The following MEIKIN variants were observed in gnomAD, a reference collection of about 807,000 sequenced individuals.
The protein encoded by MEIKIN is meiosis-specific kinetochore protein.
At chr5:131,906,539 T>TA (rs145025315) in intron 8 of MEIKIN, among the ~76,000 whole-genome samples, 19,322 of 152,120 alleles carry the variant, frequency 0.13, 1,366 homozygotes, top group East Asian at 0.3. Context: ...GAATATAACT[T>TA]ATTCTACCAT....
Position 131,830,978 on chromosome 5 carries a change from A to C in MEIKIN, c.976-12115T>G, listed in dbSNP as rs528853805. Reference sequence around the variant, plus strand: ...AATGGTGTGATCTCAGCTCACTGCAACCTCTGCCTCCTGGGTTCAAGTGAT... The same window carrying C: ...AATGGTGTGATCTCAGCTCACTGCACCCTCTGCCTCCTGGGTTCAAGTGAT... On this transcript the variant is annotated intron_variant, in intron 11 of 12. Coordinates refer to ENST00000442687, the MANE Select transcript of MEIKIN (RefSeq NM_001303622.2). Among the ~76,000 whole-genome samples, 5 of 152,114 alleles carry C rather than the reference A, an allele frequency of 3.3e-5. 1 individual carries two copies. The South Asian group carries it at 1.0e-3, about 32-fold the overall frequency.
At chr5:131,898,371 C>T (rs1751090661) in intron 8 of MEIKIN, among the ~76,000 whole-genome samples, 1 of 152,242 alleles carries the variant, frequency 6.6e-6, no homozygotes, top group South Asian at 2.1e-4. Context: ...AGTTAGGCTA[C>T]ACGGGGGTCA....
At chr5:131,874,152 A>C (rs1332216831) in intron 9 of MEIKIN, among the ~76,000 whole-genome samples, 2 of 152,224 alleles carry the variant, frequency 1.3e-5, no homozygotes, top group African/African-American at 4.8e-5. Context: ...ATCAGAGCAG[A>C]ACTGAAGGAA....
In MEIKIN at chr5:131,843,777, T is replaced by G. The variant is rs192847690; in HGVS notation, c.975+7487A>C. On this transcript the variant is annotated intron_variant, in intron 11 of 12. Transcript: ENST00000442687. ...CAAACCTTCCCTCATGTTCCTGTCT[T>G]CTTCTGAGCCCTCCAAACTGTTTCA... 5.5e-3 allele frequency among the ~76,000 whole-genome samples: 841 copies of G among 152,320 alleles called. 3 individuals carry two copies. The highest frequency in any genetic ancestry group is 9.1e-3 in the Non-Finnish European group (616 of 68,022).
At chr5:131,932,930 G>A (rs1018672810) in intron 5 of MEIKIN, among the ~76,000 whole-genome samples, 2 of 152,102 alleles carry the variant, frequency 1.3e-5, no homozygotes, top group Non-Finnish European at 2.9e-5. Context: ...TAGGTCTGCT[G>A]TATCAGATCA....
intron 9 of MEIKIN, among the ~76,000 whole-genome samples, chr5:131,877,012 G>T (rs913887820): frequency 1.5e-5 from 2 of 136,434 alleles, no homozygotes; most frequent in African/African-American, 5.4e-5. Flanking sequence ...GGGGGGAGGG[G>T]GCGAGGGATA....
At chr5:131,929,957 C>G (rs576759065) in intron 5 of MEIKIN, among the ~76,000 whole-genome samples, 1 of 152,164 alleles carries the variant, frequency 6.6e-6, no homozygotes, top group Admixed American at 6.5e-5. Flanking sequence ...GTTGATTCCA[C>G]GTCTCTGCTA....
chr5:131,881,184 A>T (rs1277689335), intron 8 of MEIKIN, among the ~76,000 whole-genome samples: 1 of 152,218 alleles, frequency 6.6e-6, no homozygotes, highest in Non-Finnish European at 1.5e-5. Context: ...GGTTTGCTAA[A>T]CCACATCTGT....
Position 131,941,142 on chromosome 5 carries a change from C to CTTTTTTTTTT in MEIKIN, c.349+1483_349+1492dup, listed in dbSNP as rs397999274. 4.9e-4 allele frequency among the ~76,000 whole-genome samples: 29 copies of CTTTTTTTTTT among 59,692 alleles called. 3 individuals are homozygous for CTTTTTTTTTT. The highest frequency in any genetic ancestry group is 1.3e-3 in the African/African-American group (17 of 13,104). The allele number at this position is 59,692 out of a possible 152,430, so 39.2% of individuals were successfully genotyped here. A position where few individuals can be genotyped will look rare whatever the true frequency, so the allele number is the denominator to read the frequency against. Reference sequence around the variant, plus strand: ...TTGACAATTCCTTCAAGATCTCTTCCTTTTTTTTTTTTTTTTTTTTTTTTT... The same window carrying CTTTTTTTTTT: ...TTGACAATTCCTTCAAGATCTCTTCCTTTTTTTTTTTTTTTTTTTTTTTTTTTTTTTTTTT... On this transcript the variant is annotated intron_variant, in intron 4 of 12. Transcript: ENST00000442687.
chr5:131,859,084 C>G, intron 9 of MEIKIN, among the ~76,000 whole-genome samples: 1 of 152,118 alleles, frequency 6.6e-6, no homozygotes, highest in Non-Finnish European at 1.5e-5. Flanking sequence ...GGTATATACT[C>G]AAAGGAATAT....
intron 12 of MEIKIN, among the ~76,000 whole-genome samples, chr5:131,815,374 CT>C (rs1005399171): frequency 1.3e-5 from 2 of 152,278 alleles, no homozygotes; most frequent in African/African-American, 4.8e-5. Context: ...ATAAATGGTA[CT>C]TTTTTTCCCT....
intron 8 of MEIKIN, among the ~76,000 whole-genome samples, chr5:131,909,016 G>A (rs541792495): frequency 1.3e-5 from 2 of 152,162 alleles, no homozygotes; most frequent in South Asian, 4.2e-4. Flanking sequence ...CAATCTGTAG[G>A]TTTAATGCAA....
At chr5:131,845,462 A>T (rs1407378798) in intron 11 of MEIKIN, among the ~76,000 whole-genome samples, 1 of 151,810 alleles carries the variant, frequency 6.6e-6, no homozygotes, top group Non-Finnish European at 1.5e-5. Context: ...TGCCTCTAAA[A>T]AGGAACTGAT....
chr5:131,920,447 C>CA (rs1430218725), intron 6 of MEIKIN, among the ~76,000 whole-genome samples: 2 of 152,128 alleles, frequency 1.3e-5, no homozygotes, highest in Admixed American at 1.3e-4. Context: ...TGAGGAGAAA[C>CA]AGAGTTTACA....
intron 4 of MEIKIN, among the ~76,000 whole-genome samples, chr5:131,940,124 T>C (rs1232881861): frequency 6.6e-6 from 1 of 152,166 alleles, no homozygotes; most frequent in Admixed American, 6.5e-5. Context: ...CAGAAGTATA[T>C]AGAGTGCCAC....
intron 11 of MEIKIN, among the ~76,000 whole-genome samples, chr5:131,839,201 G>A (rs1046376097): frequency 6.6e-6 from 1 of 152,004 alleles, no homozygotes; most frequent in Admixed American, 6.6e-5. Context: ...TATTAATGGT[G>A]CTGTAGTCCA....
rs541016551 is a variant in MEIKIN at position 131,859,359 on chromosome 5, T to C, written c.775-4525A>G. Among the ~76,000 whole-genome samples, 460 of 152,316 alleles carry C rather than the reference T, an allele frequency of 3.0e-3. 2 individuals carry two copies. The highest frequency in any genetic ancestry group is 5.2e-3 in the Non-Finnish European group (351 of 68,018). On this transcript the variant is annotated intron_variant, in intron 9 of 12. Coordinates refer to ENST00000442687, the MANE Select transcript of MEIKIN (RefSeq NM_001303622.2). ...GTTCCCATCCAAATCTCATGTTGAA[T>C]TGAAATCCCCAATGATGGAGGTGGG...
chr5:131,914,725 G>T (rs1260535743), intron 7 of MEIKIN, among the ~76,000 whole-genome samples: 1 of 151,934 alleles, frequency 6.6e-6, no homozygotes, highest in African/African-American at 2.4e-5. Flanking sequence ...AAAAAGCTAA[G>T]GAAGTTAACA....
At chr5:131,892,987 C>T (rs189344060) in intron 8 of MEIKIN, among the ~76,000 whole-genome samples, 4,037 of 152,282 alleles carry the variant, frequency 0.027, 186 homozygotes, top group African/African-American at 0.092. Context: ...TCACTCCAGA[C>T]CCTGTTTGCC....
Sources: gnomAD v4.1 joint callset for allele counts (sites outside exome capture counted in the v4.1 genomes callset) on GRCh38, gnomAD v4.1.1 for gene constraint, MANE v1.5 for transcripts, NCBI Gene and HGNC (gene_info 2026-07-23, HGNC 2026-07-21) for gene names.